Variants in ASXL1 observed in about 807,000 individuals in gnomAD.
ASXL1 encodes ASXL transcriptional regulator 1, also known as polycomb group protein ASXL1.
Under a neutral mutation model 89.1 loss-of-function variants are expected in ASXL1, and 65 were observed. The observed-to-expected ratio is 0.73, with a 90% CI of 0.60 to 0.90. The LOEUF (loss-of-function observed/expected upper bound fraction) is 0.90. ASXL1 is among the 40% of genes least tolerant of loss of function. The pLI is 0.00. For synonymous variants in ASXL1, 739 were observed against 746.9 expected (o/e 0.99, Z 0.17); for missense variants, 1,786 against 1,942.9 (o/e 0.92, Z 1.52).
chr20:32,394,227 T>C (rs1158801200), intron 4 of ASXL1, among the ~76,000 whole-genome samples: 2 of 151,938 alleles, frequency 1.3e-5, no homozygotes, highest in African/African-American at 4.8e-5. Context: ...TGGTCTCAAA[T>C]TCCTGACCTT....
At position 32,429,657 on chromosome 20, in the gene ASXL1, G is replaced by C. The variant is rs2011459814; in HGVS notation, c.565+226G>C. ...GTCGTGAGGATCCAACGGAGGATTTGATTATGCCAGTGCTTTGTAAAAGGT... is the reference window on the plus strand; with the variant it reads ...GTCGTGAGGATCCAACGGAGGATTTCATTATGCCAGTGCTTTGTAAAAGGT... On this transcript the variant is annotated intron_variant, in intron 7 of 12. Coordinates refer to ENST00000375687, the MANE Select transcript of ASXL1 (RefSeq NM_015338.6). This position sits in a 1 kb window ranked among gnomAD's most constrained non-coding sequence, Gnocchi z 4.9. The C allele has an allele frequency of 1.4e-6, 1 of 703,532 alleles. No individual in the cohort carries two copies. The allele number at this position is 703,532 out of a possible 1,614,324, so 43.6% of individuals were successfully genotyped here. A position where few individuals can be genotyped will look rare whatever the true frequency, so the allele number is the denominator to read the frequency against.
chr20:32,411,215 CTTTTTT>C (rs71187118), intron 4 of ASXL1, among the ~76,000 whole-genome samples: 126 of 53,434 alleles, frequency 2.4e-3, no homozygotes, highest in South Asian at 6.6e-3. Flanking sequence ...TTTATGGATT[CTTTTTT>C]TTTTTTTTTT....
chr20:32,402,325 G>T (rs1282262249), intron 4 of ASXL1, among the ~76,000 whole-genome samples: 2 of 152,244 alleles, frequency 1.3e-5, no homozygotes, highest in Admixed American at 1.3e-4. Flanking sequence ...AAAGTGCTGG[G>T]ATTAGAGGCA....
chr20:32,428,052 A>G, intron 4 of ASXL1, 76 bp from the exon 5 acceptor site: 1 of 1,595,534 alleles, frequency 6.3e-7, no homozygotes, highest in Non-Finnish European at 8.6e-7. Context: ...TCAAAAGCAT[A>G]CACATTTAGG....
rs770488855 is a variant in ASXL1 at position 32,436,898 on chromosome 20, G to T, written c.4186G>T (p.Val1396Leu). 30 of 1,614,112 alleles carry T rather than the reference G, an allele frequency of 1.9e-5. No individual in the cohort carries two copies. Among genetic ancestry groups the T allele is most frequent in the South Asian group, 1.1e-4 (10 of 91,088 alleles). The change falls in exon 13 of 13, where the codon GTG (valine) becomes TTG (leucine). Residue 1396 changes from valine (V) to leucine (L), a missense_variant. By Grantham distance (32) the Val-to-Leu change is conservative (BLOSUM62 1). Coordinates refer to ENST00000375687, the MANE Select transcript of ASXL1 (RefSeq NM_015338.6). ...TACTGGGCATAGTCCCCTGGAACTGGTGGGTCACTTGGAAGGGATGCCCTT... is the reference window on the plus strand; with the variant it reads ...TACTGGGCATAGTCCCCTGGAACTGTTGGGTCACTTGGAAGGGATGCCCTT... ...KATGHSPLEL[V>L]GHLEGMPFVM...
At chr20:32,421,899 G>T (rs2049260329) in intron 4 of ASXL1, among the ~76,000 whole-genome samples, 2 of 123,180 alleles carry the variant, frequency 1.6e-5, no homozygotes, top group Non-Finnish European at 3.3e-5. Flanking sequence ...GACGGAGTCT[G>T]GCTCTGTCAC....
chr20:32,379,024 C>T (rs998041366), intron 4 of ASXL1, among the ~76,000 whole-genome samples: 3 of 151,104 alleles, frequency 2.0e-5, no homozygotes, highest in Non-Finnish European at 4.4e-5. Context: ...CCCAGCTACT[C>T]GGGAGGCTGA....
chr20:32,411,954 T>A (rs181369502), intron 4 of ASXL1, among the ~76,000 whole-genome samples: 1 of 152,324 alleles, frequency 6.6e-6, no homozygotes, highest in Non-Finnish European at 1.5e-5. Context: ...GTGTCCTTTT[T>A]ATGTGTTTTC....
intron 11 of ASXL1, 70 bp from the exon 12 acceptor site, chr20:32,433,214 A>G: frequency 4.4e-6 from 7 of 1,604,916 alleles, no homozygotes; most frequent in Non-Finnish European, 6.0e-6. Context: ...TTCTGGGTCC[A>G]TATTATTCAT....
At chr20:32,358,897 C>G in intron 1 of ASXL1, 65 bp downstream of exon 1, 13 of 1,414,566 alleles carry the variant, frequency 9.2e-6, no homozygotes, top group Non-Finnish European at 9.3e-6. Context: ...CGCGCACCCC[C>G]CCACTGGGGG....
Position 32,429,486 on chromosome 20 carries a change from C to A in ASXL1, c.565+55C>A. 6.5e-7 allele frequency: 1 copy of A among 1,536,130 alleles called. No individual in the cohort carries two copies. The highest frequency in any genetic ancestry group is 9.0e-7 in the Non-Finnish European group (1 of 1,109,654). On this transcript the variant is annotated intron_variant, in intron 7 of 12. Transcript: ENST00000375687. This position sits in a 1 kb window ranked among gnomAD's most constrained non-coding sequence, Gnocchi z 4.9. ...TTTCCTCAGGTCCTGGGGACCTGGC[C>A]TCCCTCTGTCAGCAGTTTCTGACCT...
At chr20:32,377,972 C>CTGTGTGAGTGTGTGTGTGTG (rs1555902334) in intron 4 of ASXL1, among the ~76,000 whole-genome samples, 1 of 115,340 alleles carries the variant, frequency 8.7e-6, no homozygotes, top group East Asian at 3.1e-4. Context: ...AGTTTTGACT[C>CTGTGTGAGTGTGTGTGTGTG]TGTGTGTGTG....
rs1289646070 is a variant in ASXL1, at chr20:32,390,747, TTC to T, written c.252+21628_252+21629del. Among the ~76,000 whole-genome samples, 7 of 152,332 alleles carry T rather than the reference TTC, an allele frequency of 4.6e-5. No homozygotes were observed. In the South Asian group the frequency reaches 1.0e-3, roughly 23 times the overall value. ...CCAGCTCCTGGTGACCACTGATTTG[TTC>T]TCTGTCCTTGCAGTACTGTCTTTTC... is the stretch of plus-strand genomic sequence containing the variant. On this transcript the variant is annotated intron_variant, in intron 4 of 12. Coordinates refer to ENST00000375687, the MANE Select transcript of ASXL1 (RefSeq NM_015338.6).
chr20:32,438,883 T>C lies in ASXL1; in HGVS notation c.*1545T>C. On this transcript the variant is annotated 3_prime_UTR_variant, in exon 13 of 13. Transcript: ENST00000375687. ...CATGTTTCCAGCAAGTAGATGCCCC[T>C]GTGTGTGTTTTCCCTTGCCTTGTTT... 4.3e-6 allele frequency: 1 copy of C among 233,486 alleles called. No homozygotes were observed. The highest frequency in any genetic ancestry group is 8.5e-6 in the Non-Finnish European group (1 of 118,054). 14.5% of individuals were successfully genotyped at this position (233,486 alleles called of 1,614,324 possible).
chr20:32,427,596 A>G (rs2123205724), intron 4 of ASXL1: 1 of 178,484 alleles, frequency 5.6e-6, no homozygotes, highest in Admixed American at 5.4e-5. Context: ...CAATCTCTCT[A>G]CTGCCAACCT....
chr20:32,369,833 A>G lies in ASXL1; in HGVS notation c.252+710A>G, dbSNP rs975484903. Among the ~76,000 whole-genome samples, 3 of 148,828 alleles carry G rather than the reference A, an allele frequency of 2.0e-5. No homozygotes were observed. The South Asian group carries it at 6.4e-4, about 32-fold the overall frequency. On this transcript the variant is annotated intron_variant, in intron 4 of 12. Transcript: ENST00000375687. ...ACCCTCCACCTCCCAGGTTCAAGCA[A>G]TTCTTCTGCCTCAGCCTCCTGAGTA...
Position 32,433,441 on chromosome 20 carries a change from G to C in ASXL1, c.1243G>C (p.Asp415His), listed in dbSNP as rs2011594564. ...DGHFKKRSRP[D>H]LRTRARRNLY... Reference sequence around the variant, plus strand: ...GCATTTTAAGAAACGCTCTCGGCCAGATCTCCGAACCAGAGCCAGAAGGAA... The same window carrying C: ...GCATTTTAAGAAACGCTCTCGGCCACATCTCCGAACCAGAGCCAGAAGGAA... Residue 415 changes from aspartate to histidine, a missense_variant, in exon 12 of 13, where the codon GAT (aspartate) becomes CAT (histidine). Physicochemically the swap from Asp to His is moderately conservative, Grantham distance 81 (BLOSUM62 -1). Around this residue, in one of 3 missense-constraint regions of ASXL1, gnomAD observed 1,418 missense variants for 1,427.8 expected, o/e 0.99. Coordinates refer to ENST00000375687, the MANE Select transcript of ASXL1 (RefSeq NM_015338.6). 1 of 1,614,186 alleles carries C rather than the reference G, an allele frequency of 6.2e-7. No individual in the cohort carries two copies. The highest frequency in any genetic ancestry group is 8.5e-7 in the Non-Finnish European group (1 of 1,180,044).
Position 32,433,036 on chromosome 20 carries a change from G to A in ASXL1, c.1085+51G>A, listed in dbSNP as rs766595200. ...TGGTCTGGGGTTTTGAGGGGATAGAGGTAGATGGTCTCAAAATAGCATATA... is the reference window on the plus strand; with the variant it reads ...TGGTCTGGGGTTTTGAGGGGATAGAAGTAGATGGTCTCAAAATAGCATATA... On this transcript the variant is annotated intron_variant, in intron 11 of 12. Coordinates refer to ENST00000375687, the MANE Select transcript of ASXL1 (RefSeq NM_015338.6). 4.4e-6 allele frequency: 7 copies of A among 1,606,396 alleles called. No individual in the cohort carries two copies. The South Asian group carries it at 7.8e-5, about 18-fold the overall frequency.
Position 32,358,830 on chromosome 20 carries a change from C to G in ASXL1, c.55C>G (p.Leu19Val), listed in dbSNP as rs2048057022. 2 of 1,507,360 alleles carry G rather than the reference C, an allele frequency of 1.3e-6. No homozygotes were observed. The highest frequency in any genetic ancestry group is 1.8e-6 in the Non-Finnish European group (2 of 1,127,072). The allele number at this position is 1,507,360 out of a possible 1,614,324, so 93.4% of individuals were successfully genotyped here. A position where few individuals can be genotyped will look rare whatever the true frequency, so the allele number is the denominator to read the frequency against. ...GCGCACGTGGGCCGAGGCCGCGCGCCTGGTGAGGCGGACAGCCGAGGGGGG... is the reference window on the plus strand; with the variant it reads ...GCGCACGTGGGCCGAGGCCGCGCGCGTGGTGAGGCGGACAGCCGAGGGGGG... Reference protein sequence around the residue: ...KERTWAEAARLVLENYSDAPM... With the variant: ...KERTWAEAARVVLENYSDAPM... The change falls in exon 1 of 13, where the codon CTG (leucine) becomes GTG (valine). Residue 19 changes from leucine to valine, a missense_variant and splice_region_variant. Physicochemically the swap from Leu to Val is conservative, Grantham distance 32 (BLOSUM62 1). This residue lies in a region of ASXL1 where 332 missense variants were observed against 449.7 expected (regional missense o/e 0.74). Coordinates refer to ENST00000375687, the MANE Select transcript of ASXL1 (RefSeq NM_015338.6).
Sources: allele counts gnomAD v4.1 joint callset (sites outside exome capture counted in the v4.1 genomes callset), GRCh38; gene constraint gnomAD v4.1.1; regional missense constraint gnomAD v4.1.1; non-coding constraint Gnocchi (gnomAD v3.1); transcripts MANE v1.5; gene names NCBI Gene and HGNC (gene_info 2026-07-23, HGNC 2026-07-21).